Variants in CCDC171 observed in about 807,000 individuals in gnomAD.
CCDC171 encodes the protein coiled-coil domain-containing protein 171.
CCDC171 carries 177 observed loss-of-function variants against 168.2 expected under a neutral mutation model. The ratio of observed to expected loss-of-function variants is 1.05; its 90% CI spans 0.93 to 1.19. The LOEUF (loss-of-function observed/expected upper bound fraction) is 1.19, where lower values mean the gene tolerates loss of function less well. Ranked by LOEUF, CCDC171 falls within the 50% of genes most tolerant of loss-of-function variation. CCDC171 has a pLI of 0.00. For synonymous variants in CCDC171, 687 were observed against 540.8 expected (o/e 1.27, Z -3.75); for missense variants, 1,991 against 1,539.0 (o/e 1.29, Z -4.91).
At chr9:15,579,079 C>T (rs146823630) in intron 4 of CCDC171, 56 bp downstream of exon 4, 1 of 1,392,692 alleles carries the variant, frequency 7.2e-7, no homozygotes, top group African/African-American at 1.4e-5. Context: ...TTGTATATCA[C>T]TCCTCGCTGT....
At position 15,692,666 on chromosome 9, in the gene CCDC171, T is replaced by TC. The variant is rs1564221719; in HGVS notation, c.1216-2569_1216-2568insC. Among the ~76,000 whole-genome samples the TC allele has an allele frequency of 1.8e-4, 28 of 151,550 alleles. No homozygotes were observed. The East Asian group carries it at 5.0e-3, about 27-fold the overall frequency. The stretch of plus-strand genomic sequence containing the variant: ...CCTCAGCCTCCCAAGTAGCTGGGAC[T>TC]ACAGGCGCCCGCCACCATGCCCAGC... On this transcript the variant is annotated intron_variant, in intron 10 of 25. Coordinates refer to ENST00000380701, the MANE Select transcript of CCDC171 (RefSeq NM_173550.4).
At chr9:15,623,077 G>A (rs2044635870) in intron 6 of CCDC171, among the ~76,000 whole-genome samples, 190 bp from the exon 7 acceptor site, 1 of 152,112 alleles carries the variant, frequency 6.6e-6, no homozygotes, top group East Asian at 1.9e-4. Context: ...TAAAACTTCA[G>A]TATTGCTTTT....
At chr9:15,909,896 G>T (rs1370709483) in intron 24 of CCDC171, among the ~76,000 whole-genome samples, 1 of 152,020 alleles carries the variant, frequency 6.6e-6, no homozygotes, top group East Asian at 1.9e-4. Flanking sequence ...TTGCATAGTG[G>T]TGAAGTCTGC....
chr9:16,062,386 A>T (rs911651012), downstream of CCDC171, among the ~76,000 whole-genome samples: 2 of 152,168 alleles, frequency 1.3e-5, no homozygotes, highest in African/African-American at 2.4e-5. Context: ...AATGATAGAC[A>T]CCAGGGACAA....
chr9:15,622,448 A>G (rs1186248034), intron 6 of CCDC171, among the ~76,000 whole-genome samples: 2 of 152,192 alleles, frequency 1.3e-5, no homozygotes, highest in African/African-American at 4.8e-5. Context: ...TTCTAATGGT[A>G]TCTTTTGAGT....
rs139569212 is a variant in CCDC171, at chr9:15,613,300, G to T, written c.676-9967G>T. ...CATCATTCATAGGTTCTTGGGAATT[G>T]TGACTTTAAGTGAATGACGTAGAAT... On this transcript the variant is annotated intron_variant, in intron 6 of 25. Transcript: ENST00000380701. 6.6e-3 allele frequency among the ~76,000 whole-genome samples: 1,001 copies of T among 152,196 alleles called. 17 individuals are homozygous for T. The highest frequency in any genetic ancestry group is 0.023 in the African/African-American group (944 of 41,522).
At chr9:15,647,496 C>G (rs7468160) in intron 7 of CCDC171, among the ~76,000 whole-genome samples, 3,220 of 152,018 alleles carry the variant, frequency 0.021, 118 homozygotes, top group African/African-American at 0.074. Context: ...TGCTAGACCA[C>G]TAGCAAGACT....
At chr9:15,611,655 G>A (rs774450519) in intron 6 of CCDC171, among the ~76,000 whole-genome samples, 11 of 152,004 alleles carry the variant, frequency 7.2e-5, no homozygotes, top group Admixed American at 5.2e-4. Flanking sequence ...TTTTCATATC[G>A]TCAGAACCTC....
At chr9:15,780,659 A>G (rs1277170729) in intron 20 of CCDC171, among the ~76,000 whole-genome samples, 2 of 152,312 alleles carry the variant, frequency 1.3e-5, no homozygotes, top group East Asian at 3.9e-4. Context: ...GCATGCCTTT[A>G]TGCACAGTTG....
intron 24 of CCDC171, among the ~76,000 whole-genome samples, chr9:15,903,395 C>T (rs1346195189): frequency 1.3e-5 from 2 of 152,144 alleles, no homozygotes; most frequent in East Asian, 3.9e-4. Context: ...GTTCTGCAGC[C>T]TCCACTGCTG....
chr9:15,600,013 A>G (rs562851901), intron 6 of CCDC171, among the ~76,000 whole-genome samples: 2 of 152,194 alleles, frequency 1.3e-5, no homozygotes, highest in Admixed American at 1.3e-4. Context: ...TCCTTTAAGG[A>G]CTTCTCTGCA....
At chr9:15,832,126 A>C (rs1371765637) in intron 21 of CCDC171, among the ~76,000 whole-genome samples, 1 of 152,008 alleles carries the variant, frequency 6.6e-6, no homozygotes. Context: ...TTTTGTTTTA[A>C]AGTCAAGTCT....
At chr9:15,763,805 T>C (rs916814169) in intron 18 of CCDC171, among the ~76,000 whole-genome samples, 1 of 152,232 alleles carries the variant, frequency 6.6e-6, no homozygotes, top group African/African-American at 2.4e-5. Flanking sequence ...GTTTGTTCAT[T>C]CATTAACTTA....
Position 15,827,524 on chromosome 9 carries a change from C to A in CCDC171, c.3268-19178C>A, listed in dbSNP as rs549087827. Among the ~76,000 whole-genome samples, 328 of 152,212 alleles carry A rather than the reference C, an allele frequency of 2.2e-3. 2 individuals are homozygous for A. The highest frequency in any genetic ancestry group is 1.8e-3 in the Non-Finnish European group (121 of 67,998). On this transcript the variant is annotated intron_variant, in intron 21 of 25. Coordinates refer to ENST00000380701, the MANE Select transcript of CCDC171 (RefSeq NM_173550.4). ...GTGTCATCTTGAACTAGACTTTAGA[C>A]CTTCTTGAGTCTGTTGCTTGTTTAT...
At chr9:15,885,528 A>C (rs1244178609) in intron 24 of CCDC171, 2 of 152,194 alleles carry the variant, frequency 1.3e-5, no homozygotes, top group Non-Finnish European at 2.9e-5. Context: ...TTGGACAAAA[A>C]ACAGTGTTTG....
chr9:15,762,756 A>G (rs998595938), intron 18 of CCDC171, among the ~76,000 whole-genome samples: 7 of 152,226 alleles, frequency 4.6e-5, no homozygotes, highest in Admixed American at 2.0e-4. Context: ...AAGAAAATGT[A>G]TAGCACATTC....
chr9:15,959,921 G>A (rs1830181544), intron 25 of CCDC171, among the ~76,000 whole-genome samples: 1 of 152,152 alleles, frequency 6.6e-6, no homozygotes, highest in Admixed American at 6.6e-5. Flanking sequence ...TGACAGAAAG[G>A]GAAGGATGGG....
At chr9:15,577,020 T>A (rs2040725969) in intron 3 of CCDC171, among the ~76,000 whole-genome samples, 1 of 152,134 alleles carries the variant, frequency 6.6e-6, no homozygotes, top group African/African-American at 2.4e-5. Flanking sequence ...GATTTGAGAG[T>A]TCATAGTTTT....
chr9:15,602,044 A>G (rs2042896722), intron 6 of CCDC171, among the ~76,000 whole-genome samples: 1 of 152,206 alleles, frequency 6.6e-6, no homozygotes, highest in Non-Finnish European at 1.5e-5. Flanking sequence ...ATGTGGGAAT[A>G]TGCTCCCTAG....
Sources: gnomAD v4.1 joint callset for allele counts (sites outside exome capture counted in the v4.1 genomes callset) on GRCh38, gnomAD v4.1.1 for gene constraint, MANE v1.5 for transcripts, NCBI Gene and HGNC (gene_info 2026-07-23, HGNC 2026-07-21) for gene names.